The following DDX24 variants were observed in gnomAD, a reference collection of about 807,000 sequenced individuals.
DDX24 encodes the protein DEAD-box helicase 24.
In DDX24, 24 loss-of-function variants were observed where a neutral mutation model predicts 68.9. The ratio of observed to expected loss-of-function variants is 0.35; its 90% CI spans 0.25 to 0.49. The LOEUF is 0.49. Ranked by LOEUF, DDX24 falls within the 20% of genes least tolerant of loss-of-function variation. The probability of loss-of-function intolerance (pLI) is 0.99; values close to 1 mark genes in which losing one functional copy is unlikely to be tolerated. For missense variants in DDX24, 989 were observed against 1,039.0 expected (o/e 0.95, Z 0.66); for synonymous variants, 395 against 385.2 (o/e 1.03, Z -0.30).
At chr14:94,056,283 T>C (rs1885490876) in intron 6 of DDX24, 1 of 152,276 alleles carries the variant, frequency 6.6e-6, no homozygotes, top group Admixed American at 6.5e-5. Flanking sequence ...TATTGACTGA[T>C]GGCTGATAGC....
chr14:94,061,127 C>T, intron 3 of DDX24, 61 bp from the exon 4 acceptor site: 2 of 1,578,036 alleles, frequency 1.3e-6, no homozygotes, highest in Non-Finnish European at 1.7e-6. Flanking sequence ...TCTTACATGG[C>T]TGACACAGGC....
chr14:94,062,476 T>C lies in DDX24; in HGVS notation c.864A>G (p.Pro288=). The change falls in exon 3 of 9, where the codon CCA becomes CCG. Residue 288 remains proline, a synonymous_variant. Coordinates refer to ENST00000621632, the MANE Select transcript of DDX24 (RefSeq NM_020414.4). ...RTEAGAETRS[P]GKAEAESDAL... is the part of the protein sequence containing the mutation. The stretch of plus-strand genomic sequence containing the variant: ...CATCAGACTCAGCTTCAGCCTTGCC[T>C]GGTGATCTAGTCTCAGCTCCGGCCT... The C allele has an allele frequency of 6.2e-7, 1 of 1,614,200 alleles. No individual in the cohort carries two copies. The highest frequency in any genetic ancestry group is 8.5e-7 in the Non-Finnish European group (1 of 1,180,034).
chr14:94,068,049 T>C (rs1885741717), intron 2 of DDX24, among the ~76,000 whole-genome samples: 1 of 152,130 alleles, frequency 6.6e-6, no homozygotes, highest in Non-Finnish European at 1.5e-5. Context: ...AATGCTCCAC[T>C]TAAAAGATAA....
chr14:94,051,386 C>T lies in DDX24; in HGVS notation c.2385G>A (p.Leu795=), dbSNP rs780166607. ...MKVLKKELRH[L]LSQPLFTESQ... ...TCTCCGTAAACAGTGGCTGGGACAG[C>T]AGGTGGCGCAGCTCCTTCTTCAGAA... The change falls in exon 9 of 9, where the codon CTG becomes CTA. Residue 795 remains leucine, a synonymous_variant. Transcript: ENST00000621632. The T allele has an allele frequency of 5.6e-6, 9 of 1,609,808 alleles. No individual in the cohort carries two copies. The African/African-American group carries it at 8.0e-5, about 14-fold the overall frequency.
chr14:94,061,924 C>G (rs1885604680), intron 3 of DDX24, among the ~76,000 whole-genome samples, 173 bp downstream of exon 3: 1 of 152,126 alleles, frequency 6.6e-6, no homozygotes, highest in African/African-American at 2.4e-5. Context: ...CATGTATTAT[C>G]CTTGAGGGAA....
chr14:94,067,477 A>G, intron 2 of DDX24, among the ~76,000 whole-genome samples: 1 of 152,178 alleles, frequency 6.6e-6, no homozygotes, highest in East Asian at 1.9e-4. Flanking sequence ...TACAAGAAGC[A>G]CAAAGAACAC....
chr14:94,073,092 T>C (rs1272463950), intron 2 of DDX24, among the ~76,000 whole-genome samples: 1 of 149,426 alleles, frequency 6.7e-6, no homozygotes, highest in East Asian at 1.9e-4. Context: ...TTTTCTTTTT[T>C]TTTTTTTTTT....
At chr14:94,074,398 G>A (rs1283103776) in intron 2 of DDX24, among the ~76,000 whole-genome samples, 2 of 152,158 alleles carry the variant, frequency 1.3e-5, no homozygotes, top group African/African-American at 4.8e-5. Context: ...TTTATCCCAG[G>A]AATGTAAGTC....
At chr14:94,060,048 ACCC>A (rs760473718) in intron 5 of DDX24, 47 bp downstream of exon 5, 1 of 1,547,534 alleles carries the variant, frequency 6.5e-7, no homozygotes, top group Admixed American at 2.0e-5. Context: ...GACCCCTTTT[ACCC>A]CAGTAACTAA....
Position 94,060,111 on chromosome 14 carries a change from C to A in DDX24, c.1900G>T (p.Ala634Ser). Reference sequence around the variant, plus strand: ...GTCCTAACTTACTCTTCCAGACGGGCAAACTGCTCCAGGTTTCTGAGCCTC... The same window carrying A: ...GTCCTAACTTACTCTTCCAGACGGGAAAACTGCTCCAGGTTTCTGAGCCTC... ...KQRLRNLEQFARLEDCVLLAT... is the reference protein window; with the variant it reads ...KQRLRNLEQFSRLEDCVLLAT... Residue 634 changes from alanine to serine, a missense_variant, in exon 5 of 9, where the codon GCC (alanine) becomes TCC (serine). Around this residue, in one of 3 missense-constraint regions of DDX24, gnomAD observed 691 missense variants for 760.0 expected, o/e 0.91. Coordinates refer to ENST00000621632, the MANE Select transcript of DDX24 (RefSeq NM_020414.4). The A allele has an allele frequency of 6.2e-7, 1 of 1,612,226 alleles. No homozygotes were observed. The highest frequency in any genetic ancestry group is 8.5e-7 in the Non-Finnish European group (1 of 1,178,634).
chr14:94,066,854 T>C (rs1885716613), intron 2 of DDX24, among the ~76,000 whole-genome samples: 1 of 152,146 alleles, frequency 6.6e-6, no homozygotes, highest in Non-Finnish European at 1.5e-5. Flanking sequence ...GCCCTAGACC[T>C]TCCCTCTGAA....
chr14:94,070,001 A>G (rs1225225853), intron 2 of DDX24, among the ~76,000 whole-genome samples: 2 of 152,206 alleles, frequency 1.3e-5, no homozygotes, highest in Admixed American at 6.5e-5. Flanking sequence ...TCGTCCTGGA[A>G]GTCCTAGCCA....
chr14:94,072,259 T>C (rs1231244417), intron 2 of DDX24, among the ~76,000 whole-genome samples: 4 of 152,206 alleles, frequency 2.6e-5, no homozygotes, highest in Non-Finnish European at 5.9e-5. Flanking sequence ...CAGGATGGAA[T>C]ACTATGCAGC....
chr14:94,051,602 G>T, intron 8 of DDX24, 140 bp from the exon 9 acceptor site: 1 of 1,163,904 alleles, frequency 8.6e-7, no homozygotes, highest in South Asian at 1.7e-5. Flanking sequence ...AGAAGCTAGT[G>T]GTGGCTTGGC....
Position 94,079,545 on chromosome 14 carries a change from G to A in DDX24, c.198C>T (p.Ser66=). ...TGGGTGCTTCCTTTGAGAAGAGACT[G>A]GAGGGATTCTTGGCAGGGGAGACCA... is the stretch of plus-strand genomic sequence containing the variant. ...YQLVSPAKNP[S]SLFSKEAPKR... The change falls in exon 2 of 9, where the codon TCC becomes TCT. Residue 66 remains serine, a synonymous_variant. Coordinates refer to ENST00000621632, the MANE Select transcript of DDX24 (RefSeq NM_020414.4). 6.2e-7 allele frequency: 1 copy of A among 1,614,144 alleles called. No individual in the cohort carries two copies. The highest frequency in any genetic ancestry group is 8.5e-7 in the Non-Finnish European group (1 of 1,180,038).
At chr14:94,078,912 G>T in intron 2 of DDX24, 113 bp downstream of exon 2, 1 of 1,170,178 alleles carries the variant, frequency 8.5e-7, no homozygotes, top group Non-Finnish European at 1.2e-6. Context: ...TTTATTCAGC[G>T]TTGCTTTTGT....
intron 2 of DDX24, among the ~76,000 whole-genome samples, chr14:94,068,890 A>G (rs569623565): frequency 5.3e-5 from 8 of 152,322 alleles, no homozygotes; most frequent in African/African-American, 1.9e-4. Flanking sequence ...TCATAGCCCT[A>G]AATGGCTACA....
intron 5 of DDX24, among the ~76,000 whole-genome samples, chr14:94,058,469 C>T (rs965130606): frequency 6.6e-6 from 1 of 152,196 alleles, no homozygotes; most frequent in Non-Finnish European, 1.5e-5. Flanking sequence ...TTCTTAGGAT[C>T]ACTTGGCAGA....
At chr14:94,075,620 G>T (rs189422506) in intron 2 of DDX24, among the ~76,000 whole-genome samples, 1 of 152,208 alleles carries the variant, frequency 6.6e-6, no homozygotes, top group East Asian at 1.9e-4. Flanking sequence ...AAACACCAAC[G>T]GCACCAAAAG....
Sources: gnomAD v4.1 joint callset for allele counts (sites outside exome capture counted in the v4.1 genomes callset) on GRCh38, gnomAD v4.1.1 for gene constraint, gnomAD v4.1.1 regional missense constraint, MANE v1.5 for transcripts, NCBI Gene and HGNC (gene_info 2026-07-23, HGNC 2026-07-21) for gene names.